HHEX: variants seen among roughly 807,000 people sequenced by gnomAD.
The protein encoded by HHEX is hematopoietically-expressed homeobox protein HHEX.
HHEX carries 8 observed loss-of-function variants against 27.0 expected under a neutral mutation model. The ratio of observed to expected loss-of-function variants is 0.30; its 90% CI spans 0.17 to 0.54. HHEX has a LOEUF of 0.54. Among genes scored for constraint, HHEX ranks in the 20% least tolerant of loss-of-function variants. The pLI, the probability that HHEX is intolerant of heterozygous loss-of-function variation, is 0.95. For synonymous variants in HHEX, 164 were observed against 161.5 expected, an observed-to-expected ratio of 1.02 and a Z score of -0.12; for missense variants, 326 against 357.2, an observed-to-expected ratio of 0.91 and a Z score of 0.70.
chr10:92,690,521 C>A (rs1421639729), intron 1 of HHEX, among the ~76,000 whole-genome samples, 174 bp downstream of exon 1: 1 of 152,008 alleles, frequency 6.6e-6, no homozygotes, highest in Non-Finnish European at 1.5e-5. Flanking sequence ...CTGACCGCAC[C>A]GTGACTCAGA....
intron 3 of HHEX, among the ~76,000 whole-genome samples, chr10:92,694,069 AAAG>A (rs1426672819): frequency 6.6e-6 from 1 of 152,240 alleles, no homozygotes; most frequent in African/African-American, 2.4e-5. Flanking sequence ...ATGAATGAAA[AAAG>A]ATCCAGTCTA....
chr10:92,692,255 G>C, intron 1 of HHEX, 113 bp from the exon 2 acceptor site: 1 of 1,057,982 alleles, frequency 9.5e-7, no homozygotes, highest in African/African-American at 1.6e-5. Flanking sequence ...ATGTGAATGT[G>C]TCTGGTTGGG....
In HHEX at chr10:92,690,133, C is replaced by A. The variant is rs1225941767; in HGVS notation, c.147C>A (p.Pro49=). 6.5e-7 allele frequency: 1 copy of A among 1,549,322 alleles called. No individual in the cohort carries two copies. Among genetic ancestry groups the A allele is most frequent in the Non-Finnish European group, 8.7e-7 (1 of 1,146,496 alleles). Residue 49 remains proline, a synonymous_variant, in exon 1 of 4, where the codon CCC becomes CCA. Transcript: ENST00000282728. Reference sequence around the variant, plus strand: ...GGCCCGCCGCGCCCACGCCCGCCCCCACGCTGCCGTCCCCCAACTCCTCCT... The same window carrying A: ...GGCCCGCCGCGCCCACGCCCGCCCCAACGCTGCCGTCCCCCAACTCCTCCT... ...GRGPAAPTPA[P]TLPSPNSSFT...
Position 92,692,447 on chromosome 10 carries a change from C to CCAGA in HHEX, c.443_446dup (p.Ile150AspfsTer43). Reference sequence around the variant, plus strand: ...GCGGCCAGGTGAGATTCTCCAACGACCAGACCATCGAGCTGGAGAAGAAAT... The same window carrying CCAGA: ...GCGGCCAGGTGAGATTCTCCAACGACCAGACAGACCATCGAGCTGGAGAAGAAAT... On this transcript the variant is annotated frameshift_variant, in exon 2 of 4. Coordinates refer to ENST00000282728, the MANE Select transcript of HHEX (RefSeq NM_002729.5). LOFTEE classifies it high-confidence loss of function. 6.2e-7 allele frequency: 1 copy of CCAGA among 1,614,068 alleles called. No homozygotes were observed. Among genetic ancestry groups the CCAGA allele is most frequent in the Non-Finnish European group, 8.5e-7 (1 of 1,179,982 alleles).
rs1383029824 is a variant in HHEX at position 92,690,019 on chromosome 10, C to T, written c.33C>T (p.Gly11=). 4.7e-6 allele frequency: 7 copies of T among 1,481,358 alleles called. No homozygotes were observed. The highest frequency in any genetic ancestry group is 1.5e-5 in the African/African-American group (1 of 67,802). 91.8% of individuals were successfully genotyped at this position (1,481,358 alleles called of 1,614,324 possible). A position where few individuals can be genotyped will look rare whatever the true frequency, so the allele number is the denominator to read the frequency against. MQYPHPGPAA[G]AVGVPLYAPT... is the part of the protein sequence containing the mutation. Reference sequence around the variant, plus strand: ...ACCCGCACCCCGGGCCGGCGGCGGGCGCCGTGGGGGTGCCGCTGTACGCGC... The same window carrying T: ...ACCCGCACCCCGGGCCGGCGGCGGGTGCCGTGGGGGTGCCGCTGTACGCGC... The change falls in exon 1 of 4, where the codon GGC becomes GGT. Residue 11 remains glycine (G), a synonymous_variant. Coordinates refer to ENST00000282728, the MANE Select transcript of HHEX (RefSeq NM_002729.5).
At chr10:92,690,391 G>C in intron 1 of HHEX, 44 bp downstream of exon 1, 1 of 1,394,188 alleles carries the variant, frequency 7.2e-7, no homozygotes, top group Non-Finnish European at 9.3e-7. Flanking sequence ...GCGCCACCCG[G>C]CAGGTGGCAG....
Position 92,690,031 on chromosome 10 carries a change from G to A in HHEX, c.45G>A (p.Val15=). The A allele has an allele frequency of 6.6e-6, 10 of 1,512,558 alleles. No individual in the cohort carries two copies. The highest frequency in any genetic ancestry group is 2.7e-5 in the East Asian group (1 of 37,444). 93.7% of individuals were successfully genotyped at this position (1,512,558 alleles called of 1,614,324 possible). A position where few individuals can be genotyped will look rare whatever the true frequency, so the allele number is the denominator to read the frequency against. The change falls in exon 1 of 4, where the codon GTG becomes GTA. Residue 15 remains valine (V), a synonymous_variant. Coordinates refer to ENST00000282728, the MANE Select transcript of HHEX (RefSeq NM_002729.5). ...GGCCGGCGGCGGGCGCCGTGGGGGT[G>A]CCGCTGTACGCGCCCACGCCGCTGC... ...HPGPAAGAVG[V]PLYAPTPLLQ...
intron 1 of HHEX, chr10:92,691,715 A>G (rs571893737): frequency 6.6e-6 from 1 of 152,402 alleles, no homozygotes; most frequent in Non-Finnish European, 1.5e-5. Flanking sequence ...ACCGCGCAGG[A>G]GGAAGCAAAG....
At chr10:92,692,210 G>A (rs2135941388) in intron 1 of HHEX, 158 bp from the exon 2 acceptor site, 3 of 661,128 alleles carry the variant, frequency 4.5e-6, no homozygotes, top group East Asian at 5.4e-5. Flanking sequence ...TTGTGTGTCG[G>A]TGGGAACGTG....
In HHEX at chr10:92,695,462, G is replaced by C. The variant is rs1845396793; in HGVS notation, c.*694G>C. On this transcript the variant is annotated 3_prime_UTR_variant, in exon 4 of 4. Coordinates refer to ENST00000282728, the MANE Select transcript of HHEX (RefSeq NM_002729.5). ...GAAACTGACCTGACTAAAGTTAATCGCAGATGAACTAGAAGTCACAGGTTA... is the reference window on the plus strand; with the variant it reads ...GAAACTGACCTGACTAAAGTTAATCCCAGATGAACTAGAAGTCACAGGTTA... The C allele has an allele frequency of 6.6e-6, 1 of 152,570 alleles. No individual in the cohort carries two copies. Among genetic ancestry groups the C allele is most frequent in the South Asian group, 2.1e-4 (1 of 4,826 alleles). 9.5% of individuals were successfully genotyped at this position (152,570 alleles called of 1,614,324 possible).
intron 3 of HHEX, 130 bp downstream of exon 3, chr10:92,692,882 A>G (rs1845371736): frequency 1.7e-5 from 13 of 754,204 alleles, no homozygotes; most frequent in South Asian, 1.7e-4. Flanking sequence ...TTAAAAAGAC[A>G]AATAGTCCTG....
Position 92,694,926 on chromosome 10 carries a change from A to G in HHEX, c.*158A>G. ...TATTTGGTGCACTGCTCAATTAACA[A>G]ACCTACATGGAGACCTTAATTTTGA... On this transcript the variant is annotated 3_prime_UTR_variant, in exon 4 of 4. Coordinates refer to ENST00000282728, the MANE Select transcript of HHEX (RefSeq NM_002729.5). 2 of 619,772 alleles carry G rather than the reference A, an allele frequency of 3.2e-6. No homozygotes were observed. Among genetic ancestry groups the G allele is most frequent in the Non-Finnish European group, 2.8e-6 (1 of 353,476 alleles). 38.4% of individuals were successfully genotyped at this position (619,772 alleles called of 1,614,324 possible). A position where few individuals can be genotyped will look rare whatever the true frequency, so the allele number is the denominator to read the frequency against.
chr10:92,692,027 G>C (rs912472501), intron 1 of HHEX: 1 of 192,676 alleles, frequency 5.2e-6, no homozygotes, highest in Admixed American at 5.6e-5. Context: ...GTATAAATCC[G>C]AGAGCCACTG....
rs1461958684 is a variant in HHEX at position 92,690,367 on chromosome 10, G to A, written c.361+20G>A. 1 of 1,414,068 alleles carries A rather than the reference G, an allele frequency of 7.1e-7. No individual in the cohort carries two copies. The highest frequency in any genetic ancestry group is 1.5e-5 in the African/African-American group (1 of 66,194). 87.6% of individuals were successfully genotyped at this position (1,414,068 alleles called of 1,614,324 possible). On this transcript the variant is annotated intron_variant, in intron 1 of 3. Transcript: ENST00000282728. ...CCCTGGGTAAGGCGGCCGGGCGAGG[G>A]TGGGGGCGAGGAAGCGCCACCCGGC...
At position 92,692,448 on chromosome 10, in the gene HHEX, C is replaced by A; in HGVS notation, c.442C>A (p.Gln148Lys). Reference sequence around the variant, plus strand: ...CGGCCAGGTGAGATTCTCCAACGACCAGACCATCGAGCTGGAGAAGAAATT... The same window carrying A: ...CGGCCAGGTGAGATTCTCCAACGACAAGACCATCGAGCTGGAGAAGAAATT... ...KGGQVRFSND[Q>K]TIELEKKFET... The change falls in exon 2 of 4, where the codon CAG (glutamine) becomes AAG (lysine). Residue 148 changes from glutamine to lysine, a missense_variant. By Grantham distance (53) the Gln-to-Lys change is moderately conservative (BLOSUM62 1). This residue lies in a region of HHEX where 40 missense variants were observed against 54.9 expected (regional missense o/e 0.73). Coordinates refer to ENST00000282728, the MANE Select transcript of HHEX (RefSeq NM_002729.5). 1 of 1,614,118 alleles carries A rather than the reference C, an allele frequency of 6.2e-7. No individual in the cohort carries two copies. The highest frequency in any genetic ancestry group is 8.5e-7 in the Non-Finnish European group (1 of 1,179,992).
At chr10:92,693,239 A>T (rs1000668024) in intron 3 of HHEX, among the ~76,000 whole-genome samples, 1 of 152,216 alleles carries the variant, frequency 6.6e-6, no homozygotes, top group Admixed American at 6.5e-5. Flanking sequence ...ATTATTTTCT[A>T]TCTAATGCCA....
chr10:92,691,459 C>T (rs1351095705), intron 1 of HHEX: 1 of 152,242 alleles, frequency 6.6e-6, no homozygotes, highest in Non-Finnish European at 1.5e-5. Context: ...ACGGCGCGGG[C>T]TCTAGCTCAG....
rs1589623698 is a variant in HHEX, at chr10:92,694,823, A to G, written c.*55A>G. 1.5e-6 allele frequency: 2 copies of G among 1,310,872 alleles called. No individual in the cohort carries two copies. Among genetic ancestry groups the G allele is most frequent in the African/African-American group, 2.9e-5 (2 of 69,136 alleles). The allele number at this position is 1,310,872 out of a possible 1,614,324, so 81.2% of individuals were successfully genotyped here. A position where few individuals can be genotyped will look rare whatever the true frequency, so the allele number is the denominator to read the frequency against. On this transcript the variant is annotated 3_prime_UTR_variant, in exon 4 of 4. Transcript: ENST00000282728. ...CTGGATTTAGGAATAATGTTTTGCT[A>G]CAGAAAATCTTCATAGAAGAACTGG...
At chr10:92,691,628 C>G (rs1199064342) in intron 1 of HHEX, 1 of 152,198 alleles carries the variant, frequency 6.6e-6, no homozygotes, top group Non-Finnish European at 1.5e-5. Context: ...GGGGCTGGAG[C>G]GGGACCCTCA....
Sources: allele counts gnomAD v4.1 joint callset (sites outside exome capture counted in the v4.1 genomes callset), GRCh38; gene constraint gnomAD v4.1.1; regional missense constraint gnomAD v4.1.1; transcripts MANE v1.5; gene names NCBI Gene and HGNC (gene_info 2026-07-23, HGNC 2026-07-21).